SCNN1A: variants seen among roughly 807,000 people sequenced by gnomAD.
SCNN1A encodes the protein epithelial sodium channel subunit alpha.
SCNN1A carries 65 observed loss-of-function variants against 68.6 expected under a neutral mutation model. The ratio of observed to expected loss-of-function variants is 0.95; its 90% confidence interval spans 0.78 to 1.16. The LOEUF (loss-of-function observed/expected upper bound fraction) is 1.16. SCNN1A is among the 50% of genes most tolerant of loss of function. The probability of loss-of-function intolerance (pLI) is 0.00; values close to 1 mark genes in which losing one functional copy is unlikely to be tolerated. For synonymous variants in SCNN1A, 357 were observed against 353.3 expected (o/e 1.01, Z -0.12); for missense variants, 880 against 865.9 (o/e 1.02, Z -0.20).
At chr12:6,369,096 G>A (rs1033837301) in intron 2 of SCNN1A, among the ~76,000 whole-genome samples, 11 of 152,126 alleles carry the variant, frequency 7.2e-5, no homozygotes, top group Admixed American at 2.6e-4. Flanking sequence ...TCCTGGCTGG[G>A]CCTCCCTTTC....
At chr12:6,366,307 G>A (rs1057316436) in intron 2 of SCNN1A, among the ~76,000 whole-genome samples, 1 of 152,152 alleles carries the variant, frequency 6.6e-6, no homozygotes, top group Non-Finnish European at 1.5e-5. Flanking sequence ...TAAGAGAAAT[G>A]AAAGCATATG....
In SCNN1A at chr12:6,355,352, C is replaced by G. The variant is rs189376498; in HGVS notation, c.1063G>C (p.Gly355Arg). Residue 355 changes from glycine (G) to arginine (R), a missense_variant, in exon 6 of 13, where the codon GGG becomes CGG. Gly to Arg is a moderately radical substitution (Grantham distance 125, BLOSUM62 -2). Around this residue, in one of 3 missense-constraint regions of SCNN1A, gnomAD observed 758 missense variants for 721.8 expected, o/e 1.05. Coordinates refer to ENST00000228916, the MANE Select transcript of SCNN1A (RefSeq NM_001038.6). Reference sequence around the variant, plus strand: ...TCCATAAAGGCAGGTTCATCCTGCCCGTGCACCATTACCCGGGCCCCAGTC... The same window carrying G: ...TCCATAAAGGCAGGTTCATCCTGCCGGTGCACCATTACCCGGGCCCCAGTC... The part of the protein sequence containing the change: ...TVTGARVMVH[G>R]QDEPAFMDDG... 2 of 1,613,884 alleles carry G rather than the reference C, an allele frequency of 1.2e-6. No homozygotes were observed. Among genetic ancestry groups the G allele is most frequent in the Non-Finnish European group, 1.7e-6 (2 of 1,179,898 alleles).
chr12:6,374,241 TACCTGGG>T lies in SCNN1A; in HGVS notation c.416+120_416+126del. On this transcript the variant is annotated intron_variant, in intron 2 of 12. Transcript: ENST00000228916. The surrounding 1 kb of genome is among the most constrained non-coding windows in gnomAD (Gnocchi z 6.2). Reference sequence around the variant, plus strand: ...TCCTCATTTTGCCAGCAGTGAGCTCTACCTGGGACAGGGGTGTCAGTTCCCACCCTCA... The same window carrying T: ...TCCTCATTTTGCCAGCAGTGAGCTCTACAGGGGTGTCAGTTCCCACCCTCA... 9.4e-7 allele frequency: 1 copy of T among 1,069,438 alleles called. No homozygotes were observed. Among genetic ancestry groups the T allele is most frequent in the South Asian group, 1.6e-5 (1 of 63,870 alleles). The allele number at this position is 1,069,438 out of a possible 1,614,324, so 66.2% of individuals were successfully genotyped here.
chr12:6,374,899 C>A lies in SCNN1A; in HGVS notation c.-54-62G>T, dbSNP rs1489278025. On this transcript the variant is annotated intron_variant, in intron 1 of 12. Transcript: ENST00000228916. This position sits in a 1 kb window ranked among gnomAD's most constrained non-coding sequence, Gnocchi z 6.2. ...GTCAGGGTCAAGGCTGAGCTCTGGG[C>A]CCTGAGTGCCCTCTCCCATCACCCC... 1 of 1,611,646 alleles carries A rather than the reference C, an allele frequency of 6.2e-7. No individual in the cohort carries two copies. Among genetic ancestry groups the A allele is most frequent in the Non-Finnish European group, 8.5e-7 (1 of 1,178,886 alleles).
chr12:6,373,045 G>A (rs759963256), intron 2 of SCNN1A, among the ~76,000 whole-genome samples: 2 of 152,074 alleles, frequency 1.3e-5, no homozygotes, highest in Non-Finnish European at 2.9e-5. Flanking sequence ...AGACACCTTC[G>A]CAGCGTCTGT....
At chr12:6,361,413 GCTTTGATGCTAGGGAGAAAGGGGC>G (rs1948577112) in intron 4 of SCNN1A, among the ~76,000 whole-genome samples, 1 of 152,150 alleles carries the variant, frequency 6.6e-6, no homozygotes, top group Non-Finnish European at 1.5e-5. Flanking sequence ...GCCCTTTTGA[GCTTTGATGCTAGGGAGAAAGGGGC>G]CTTAGAAAGA....
Position 6,362,122 on chromosome 12 carries a change from T to C in SCNN1A, c.804A>G (p.Pro268=), listed in dbSNP as rs1325984652. 2 of 1,614,074 alleles carry C rather than the reference T, an allele frequency of 1.2e-6. No individual in the cohort carries two copies. The highest frequency in any genetic ancestry group is 1.7e-6 in the Non-Finnish European group (2 of 1,180,016). ...TGCCCAGCGTGTCCTCCTCCAGGGA[T>C]GGCAGAGTCTCTGGCAGCCTCGACA... ...NILSRLPETL[P]SLEEDTLGNF... The change falls in exon 4 of 13, where the codon CCA becomes CCG. Residue 268 remains proline (P), a synonymous_variant. Transcript: ENST00000228916.
chr12:6,352,786 C>T (rs950535598), intron 8 of SCNN1A, among the ~76,000 whole-genome samples: 1 of 152,354 alleles, frequency 6.6e-6, no homozygotes, highest in Non-Finnish European at 1.5e-5. Flanking sequence ...AAGAGAACTG[C>T]GGAGCCAGCC....
At position 6,351,957 on chromosome 12, in the gene SCNN1A, C is replaced by T. The variant is rs1948396093; in HGVS notation, c.1360+2481G>A. ...GTAAAGACAGGGTTTCGCCACGTTG[C>T]CCAGGCTGGTGTCGAAATCCTGGGC... is the stretch of plus-strand genomic sequence containing the variant. On this transcript the variant is annotated intron_variant, in intron 8 of 12. Transcript: ENST00000228916. This position sits in a 1 kb window ranked among gnomAD's most constrained non-coding sequence, Gnocchi z 4.2. Among the ~76,000 whole-genome samples the T allele has an allele frequency of 6.6e-6, 1 of 152,036 alleles. No homozygotes were observed. Among genetic ancestry groups the T allele is most frequent in the South Asian group, 2.1e-4 (1 of 4,822 alleles).
Position 6,355,271 on chromosome 12 carries a change from C to T in SCNN1A, c.1143+1G>A, listed in dbSNP as rs756750433. 2.5e-6 allele frequency: 4 copies of T among 1,612,148 alleles called. No individual in the cohort carries two copies. ...CCAGGCCTCCCAGTCAGCATCCTTG[C>T]CTTCCTCATGCTGATGGAGGTCTCC... On this transcript the variant is annotated splice_donor_variant, in intron 6 of 12. Coordinates refer to ENST00000228916, the MANE Select transcript of SCNN1A (RefSeq NM_001038.6). LOFTEE classifies it high-confidence loss of function.
chr12:6,367,201 A>G (rs1422914393), intron 2 of SCNN1A, among the ~76,000 whole-genome samples: 1 of 151,758 alleles, frequency 6.6e-6, no homozygotes, highest in East Asian at 1.9e-4. Flanking sequence ...TCGTGTGACT[A>G]CACTCCAGCC....
At chr12:6,354,926 T>TGTGAGATACAACC in intron 6 of SCNN1A, 78 bp from the exon 7 acceptor site, 3 of 1,215,976 alleles carry the variant, frequency 2.5e-6, no homozygotes, top group Non-Finnish European at 3.7e-6. Context: ...CAGTTCCAGG[T>TGTGAGATACAACC]TGTATCTCAC....
chr12:6,375,822 A>G (rs895412859), upstream of SCNN1A: 32 of 1,357,632 alleles, frequency 2.4e-5, no homozygotes, highest in African/African-American at 6.1e-5. Flanking sequence ...GGAGGGCAAC[A>G]CAAGGAGAAG....
chr12:6,355,416 G>T lies in SCNN1A; in HGVS notation c.999C>A (p.Arg333=), dbSNP rs756498521. 6.2e-7 allele frequency: 1 copy of T among 1,613,968 alleles called. No homozygotes were observed. Among genetic ancestry groups the T allele is most frequent in the Non-Finnish European group, 8.5e-7 (1 of 1,180,000 alleles). Residue 333 remains arginine, a synonymous_variant, in exon 6 of 13, where the codon CGC becomes CGA. Transcript: ENST00000228916. The part of the protein sequence containing the change: ...GINNGLSLML[R]AEQNDFIPLL... ...GGGGAATGAAGTCATTCTGCTCTGC[G>T]CGCAGCATCAGGGACAGACCTAGGG...
At chr12:6,354,384 C>T in intron 8 of SCNN1A, 54 bp downstream of exon 8, 1 of 1,181,560 alleles carries the variant, frequency 8.5e-7, no homozygotes, top group Non-Finnish European at 1.3e-6. Flanking sequence ...GGAAAAAGTG[C>T]CTCAGTGAGT....
At chr12:6,352,210 T>C (rs892015054) in intron 8 of SCNN1A, among the ~76,000 whole-genome samples, 1 of 151,872 alleles carries the variant, frequency 6.6e-6, no homozygotes, top group African/African-American at 2.4e-5. Context: ...GTATGGGATA[T>C]AAATTATCTC....
Position 6,374,749 on chromosome 12 carries a change from C to T in SCNN1A, c.35G>A (p.Ser12Asn). The T allele has an allele frequency of 6.2e-7, 1 of 1,614,100 alleles. No homozygotes were observed. The highest frequency in any genetic ancestry group is 8.5e-7 in the Non-Finnish European group (1 of 1,180,000). The change falls in exon 2 of 13, where the codon AGC becomes AAC. Residue 12 changes from serine to asparagine, a missense_variant. Coordinates refer to ENST00000228916, the MANE Select transcript of SCNN1A (RefSeq NM_001038.6). This position sits in a 1 kb window ranked among gnomAD's most constrained non-coding sequence, Gnocchi z 6.2. ...EGNKLEEQDS[S>N]PPQSTPGLMK... Reference sequence around the variant, plus strand: ...GAGCCCTGGAGTGGACTGTGGAGGGCTAGAGTCCTGCTCCTCCAGCTTGTT... The same window carrying T: ...GAGCCCTGGAGTGGACTGTGGAGGGTTAGAGTCCTGCTCCTCCAGCTTGTT...
intron 3 of SCNN1A, among the ~76,000 whole-genome samples, chr12:6,362,967 G>A (rs1404057638): frequency 1.6e-5 from 2 of 122,490 alleles, no homozygotes; most frequent in Non-Finnish European, 3.5e-5. Flanking sequence ...ACAGGCATGA[G>A]CCACCGCCCC....
At chr12:6,365,317 G>A (rs1262516509) in intron 2 of SCNN1A, among the ~76,000 whole-genome samples, 4 of 152,130 alleles carry the variant, frequency 2.6e-5, no homozygotes, top group African/African-American at 9.7e-5. Flanking sequence ...CACTGCACCC[G>A]GCCCCAGCAG....
Sources: allele counts gnomAD v4.1 joint callset (sites outside exome capture counted in the v4.1 genomes callset), GRCh38; gene constraint gnomAD v4.1.1; regional missense constraint gnomAD v4.1.1; non-coding constraint Gnocchi (gnomAD v3.1); transcripts MANE v1.5; gene names NCBI Gene and HGNC (gene_info 2026-07-23, HGNC 2026-07-21).